The following AXDND1 variants were observed in gnomAD, a reference collection of about 807,000 sequenced individuals.
AXDND1 encodes the protein axonemal dynein light chain domain-containing protein 1.
In AXDND1, 110 loss-of-function variants were observed where a neutral mutation model predicts 137.5. That is an observed-to-expected ratio of 0.80 (90% CI 0.69 to 0.94). AXDND1 has a LOEUF of 0.94. Ranked by LOEUF, AXDND1 falls within the 40% of genes least tolerant of loss-of-function variation. AXDND1 has a pLI of 0.00. For missense variants in AXDND1, 1,191 were observed against 1,169.8 expected (o/e 1.02, Z -0.26); for synonymous variants, 414 against 399.7 (o/e 1.04, Z -0.43).
intron 25 of AXDND1, among the ~76,000 whole-genome samples, chr1:179,542,013 A>G (rs369539557): frequency 1.2e-4 from 18 of 152,314 alleles, no homozygotes; most frequent in African/African-American, 3.8e-4. Context: ...CCAGAAAGAA[A>G]TATGCCCAAA....
chr1:179,370,270 A>C (rs746129960), intron 4 of AXDND1, among the ~76,000 whole-genome samples, 192 bp downstream of exon 4: 3 of 152,242 alleles, frequency 2.0e-5, no homozygotes, highest in Non-Finnish European at 2.9e-5. Flanking sequence ...TATCAGTAGG[A>C]TGGAAATAGG....
intron 15 of AXDND1, among the ~76,000 whole-genome samples, chr1:179,441,403 T>C (rs1658970027): frequency 6.6e-6 from 1 of 152,248 alleles, no homozygotes; most frequent in African/African-American, 2.4e-5. Flanking sequence ...TAGCCATTGC[T>C]TGTGCTAACA....
Position 179,366,565 on chromosome 1 carries a change from G to A in AXDND1, c.56G>A (p.Ser19Asn). ...TPLNSTSTSESKKLKVSVAKE... is the reference protein window; with the variant it reads ...TPLNSTSTSENKKLKVSVAKE... Reference sequence around the variant, plus strand: ...CTAAACTCTACATCAACATCTGAGAGCAAAAAGTTAAAAGTGTCTGTAGCC... The same window carrying A: ...CTAAACTCTACATCAACATCTGAGAACAAAAAGTTAAAAGTGTCTGTAGCC... Residue 19 changes from serine to asparagine, a missense_variant, in exon 2 of 26, where the codon AGC becomes AAC. By Grantham distance (46) the Ser-to-Asn change is conservative. Coordinates refer to ENST00000367618, the MANE Select transcript of AXDND1 (RefSeq NM_144696.6). 2 of 1,613,754 alleles carry A rather than the reference G, an allele frequency of 1.2e-6. No individual in the cohort carries two copies. Among genetic ancestry groups the A allele is most frequent in the Non-Finnish European group, 1.7e-6 (2 of 1,179,806 alleles).
intron 5 of AXDND1, 129 bp downstream of exon 5, chr1:179,378,886 A>G (rs1422129965): frequency 1.4e-6 from 1 of 706,084 alleles, no homozygotes; most frequent in Non-Finnish European, 1.9e-6. Flanking sequence ...ATTGCTCACC[A>G]ATCTTCATAG....
chr1:179,507,903 A>T (rs1272308489), intron 20 of AXDND1, among the ~76,000 whole-genome samples: 1 of 152,228 alleles, frequency 6.6e-6, no homozygotes, highest in Non-Finnish European at 1.5e-5. Context: ...ATGCAATAAG[A>T]TACCATTCTA....
chr1:179,499,284 C>T (rs1055566919), intron 20 of AXDND1, among the ~76,000 whole-genome samples: 1 of 152,042 alleles, frequency 6.6e-6, no homozygotes, highest in Non-Finnish European at 1.5e-5. Flanking sequence ...ATACATGCAA[C>T]AACATGGAAG....
At position 179,502,780 on chromosome 1, in the gene AXDND1, G is replaced by A. The variant is rs538040223; in HGVS notation, c.2389-6516G>A. Among the ~76,000 whole-genome samples, 9 of 151,540 alleles carry A rather than the reference G, an allele frequency of 5.9e-5. No homozygotes were observed. In the South Asian group the frequency reaches 1.5e-3, roughly 25 times the overall value. Reference sequence around the variant, plus strand: ...ATACTAGATAAGCTCTTACACAAGTGCTCTAGACTAAGAGACATACATAAG... The same window carrying A: ...ATACTAGATAAGCTCTTACACAAGTACTCTAGACTAAGAGACATACATAAG... On this transcript the variant is annotated intron_variant, in intron 20 of 25. Transcript: ENST00000367618.
chr1:179,467,336 T>A (rs1663340398), intron 16 of AXDND1, among the ~76,000 whole-genome samples: 1 of 152,154 alleles, frequency 6.6e-6, no homozygotes, highest in Non-Finnish European at 1.5e-5. Flanking sequence ...TGGCAATACT[T>A]ATCCATGTCA....
chr1:179,378,215 C>T (rs1647618300), intron 4 of AXDND1, among the ~76,000 whole-genome samples: 1 of 151,982 alleles, frequency 6.6e-6, no homozygotes, highest in Non-Finnish European at 1.5e-5. Flanking sequence ...GACAGCAATA[C>T]ATGTTCAAGG....
chr1:179,476,577 C>G (rs1396376262), intron 17 of AXDND1, among the ~76,000 whole-genome samples: 1 of 151,744 alleles, frequency 6.6e-6, no homozygotes, highest in African/African-American at 2.4e-5. Context: ...AAATCTGGGG[C>G]AGTCTTTATT....
intron 21 of AXDND1, among the ~76,000 whole-genome samples, chr1:179,509,884 G>A (rs1449199619): frequency 6.6e-6 from 1 of 152,162 alleles, no homozygotes; most frequent in Non-Finnish European, 1.5e-5. Flanking sequence ...TAAGAAGGAT[G>A]TCCCTTGACC....
intron 20 of AXDND1, among the ~76,000 whole-genome samples, chr1:179,493,248 G>T (rs970374411): frequency 2.0e-5 from 3 of 151,880 alleles, no homozygotes; most frequent in African/African-American, 7.3e-5. Context: ...TATAAAAATG[G>T]AATTATAAAG....
At chr1:179,504,833 G>A (rs1668372839) in intron 20 of AXDND1, among the ~76,000 whole-genome samples, 1 of 152,170 alleles carries the variant, frequency 6.6e-6, no homozygotes, top group Non-Finnish European at 1.5e-5. Flanking sequence ...ATCAGAGGAG[G>A]CTGAGAATCT....
Position 179,473,607 on chromosome 1 carries a change from G to A in AXDND1, c.1997+4966G>A, listed in dbSNP as rs368292237. ...CCCACCTTTTGTGGTATAATTTTAT[G>A]CACATTACATCTCTTAATATTTGAT... On this transcript the variant is annotated intron_variant, in intron 17 of 25. Coordinates refer to ENST00000367618, the MANE Select transcript of AXDND1 (RefSeq NM_144696.6). 2.6e-4 allele frequency among the ~76,000 whole-genome samples: 39 copies of A among 152,174 alleles called. No individual in the cohort carries two copies. The South Asian group carries it at 5.2e-3, about 20-fold the overall frequency.
At chr1:179,465,571 G>A (rs944129083) in intron 16 of AXDND1, among the ~76,000 whole-genome samples, 1 of 152,192 alleles carries the variant, frequency 6.6e-6, no homozygotes, top group Non-Finnish European at 1.5e-5. Flanking sequence ...CGGGGGTCAT[G>A]GACCCACTTG....
intron 21 of AXDND1, among the ~76,000 whole-genome samples, chr1:179,511,058 T>C (rs1018127640): frequency 1.3e-5 from 2 of 151,868 alleles, no homozygotes; most frequent in African/African-American, 4.8e-5. Flanking sequence ...TCCCAGCTAC[T>C]CAGGAGGCTG....
intron 22 of AXDND1, among the ~76,000 whole-genome samples, chr1:179,527,266 G>GA (rs1191791235): frequency 6.6e-6 from 1 of 152,158 alleles, no homozygotes; most frequent in East Asian, 1.9e-4. Flanking sequence ...GTATAGCAGT[G>GA]AGGACAACCA....
intron 25 of AXDND1, chr1:179,544,245 G>T (rs41267602): frequency 6.6e-6 from 1 of 152,184 alleles, no homozygotes; most frequent in Non-Finnish European, 1.5e-5. Context: ...ATGCAAGTTT[G>T]TTAGCCTCTT....
In AXDND1 at chr1:179,370,027, A is replaced by G; in HGVS notation, c.323A>G (p.Asn108Ser). 1.9e-6 allele frequency: 3 copies of G among 1,614,090 alleles called. No individual in the cohort carries two copies. The highest frequency in any genetic ancestry group is 2.5e-6 in the Non-Finnish European group (3 of 1,179,980). Residue 108 changes from asparagine to serine, a missense_variant, in exon 4 of 26, where the codon AAT becomes AGT. Coordinates refer to ENST00000367618, the MANE Select transcript of AXDND1 (RefSeq NM_144696.6). ...GTCTGGCATCACCCTGTTCGAAGGA[A>G]TAAATTCAAATACCTGATTGACCAT... is the stretch of plus-strand genomic sequence containing the variant. ...DHVWHHPVRR[N>S]KFKYLIDHPV...
Sources: gnomAD v4.1 joint callset for allele counts (sites outside exome capture counted in the v4.1 genomes callset) on GRCh38, gnomAD v4.1.1 for gene constraint, MANE v1.5 for transcripts, NCBI Gene and HGNC (gene_info 2026-07-23, HGNC 2026-07-21) for gene names.